Variants in PCGF5 observed in about 807,000 individuals in gnomAD.
PCGF5 encodes the protein polycomb group ring finger 5, also known as polycomb group RING finger protein 5.
Under a neutral mutation model 44.3 loss-of-function variants are expected in PCGF5, and 9 were observed. The observed-to-expected ratio is 0.20, with a 90% CI of 0.12 to 0.35. PCGF5 has a LOEUF of 0.35. PCGF5 is among the 10% of genes least tolerant of loss of function. PCGF5 has a pLI of 1.00. For synonymous variants in PCGF5, 95 were observed against 102.5 expected (o/e 0.93, Z 0.44); for missense variants, 146 against 305.3 (o/e 0.48, Z 3.89).
At chr10:91,249,371 G>GTA (rs3074316) in intron 5 of PCGF5, among the ~76,000 whole-genome samples, 13 of 120,530 alleles carry the variant, frequency 1.1e-4, no homozygotes, top group South Asian at 2.8e-4. Context: ...GGCTTTTAGT[G>GTA]TATATATATA....
chr10:91,226,314 A>G (rs918820681), intron 2 of PCGF5, among the ~76,000 whole-genome samples: 6 of 150,552 alleles, frequency 4.0e-5, no homozygotes, highest in African/African-American at 1.5e-4. Context: ...AAAAAAAAAA[A>G]TGCTGTTAAG....
intron 6 of PCGF5, among the ~76,000 whole-genome samples, chr10:91,255,031 G>C (rs1447622838): frequency 2.0e-5 from 3 of 152,062 alleles, no homozygotes; most frequent in African/African-American, 7.2e-5. Context: ...AAAGAACAGA[G>C]GTAGAGCTTT....
intron 2 of PCGF5, among the ~76,000 whole-genome samples, chr10:91,238,193 A>C (rs1845219318): frequency 6.6e-6 from 1 of 152,236 alleles, no homozygotes; most frequent in Non-Finnish European, 1.5e-5. Flanking sequence ...CTTAGTAGCC[A>C]CATGTGGCTA....
Position 91,279,638 on chromosome 10 carries a change from G to A in PCGF5, c.*1322G>A, listed in dbSNP as rs1002662933. On this transcript the variant is annotated 3_prime_UTR_variant, in exon 10 of 10. Coordinates refer to ENST00000336126, the MANE Select transcript of PCGF5 (RefSeq NM_032373.5). ...CATTTTAAATCTTTTAATATTTACA[G>A]TTTTCAAAAACCTTACTTGGAAATT... 6.6e-6 allele frequency: 1 copy of A among 152,048 alleles called. No homozygotes were observed. Among genetic ancestry groups the A allele is most frequent in the African/African-American group, 2.4e-5 (1 of 41,420 alleles). 9.4% of individuals were successfully genotyped at this position (152,048 alleles called of 1,614,324 possible). A position where few individuals can be genotyped will look rare whatever the true frequency, so the allele number is the denominator to read the frequency against.
intron 2 of PCGF5, chr10:91,227,544 A>AAATCTG: frequency 8.3e-7 from 1 of 1,208,428 alleles, no homozygotes; most frequent in Non-Finnish European, 1.1e-6. Context: ...CTTTAGTTTC[A>AAATCTG]TCCCTCTGTT....
intron 1 of PCGF5, among the ~76,000 whole-genome samples, chr10:91,211,513 G>A (rs148144689): frequency 7.8e-4 from 118 of 152,228 alleles, no homozygotes; most frequent in African/African-American, 2.8e-3. Flanking sequence ...ATTTACTATC[G>A]GACCTGATCT....
Position 91,283,274 on chromosome 10 carries a change from A to G in PCGF5, c.*4958A>G, listed in dbSNP as rs1226187163. 1 of 152,240 alleles carries G rather than the reference A, an allele frequency of 6.6e-6. No homozygotes were observed. The highest frequency in any genetic ancestry group is 1.5e-5 in the Non-Finnish European group (1 of 68,046). The allele number at this position is 152,240 out of a possible 1,614,324, so 9.4% of individuals were successfully genotyped here. A position where few individuals can be genotyped will look rare whatever the true frequency, so the allele number is the denominator to read the frequency against. On this transcript the variant is annotated 3_prime_UTR_variant, in exon 10 of 10. Coordinates refer to ENST00000336126, the MANE Select transcript of PCGF5 (RefSeq NM_032373.5). ...GAGCACTTCCTTTCAGAAAGTTATAAAATTAAAAATAATTATTTTAAATGC... is the reference window on the plus strand; with the variant it reads ...GAGCACTTCCTTTCAGAAAGTTATAGAATTAAAAATAATTATTTTAAATGC...
intron 1 of PCGF5, among the ~76,000 whole-genome samples, chr10:91,166,471 G>T (rs1843502335): frequency 6.6e-6 from 1 of 152,164 alleles, no homozygotes; most frequent in Non-Finnish European, 1.5e-5. Context: ...ATTAGATATT[G>T]GCAGTAAATA....
At chr10:91,215,710 C>T (rs1376263017), upstream of PCGF5, among the ~76,000 whole-genome samples, 1 of 152,214 alleles carries the variant, frequency 6.6e-6, no homozygotes, top group Non-Finnish European at 1.5e-5. Flanking sequence ...CATTCATATG[C>T]CATTACCATT....
intron 3 of PCGF5, among the ~76,000 whole-genome samples, chr10:91,247,694 T>G (rs1845502880): frequency 6.6e-6 from 1 of 152,028 alleles, no homozygotes; most frequent in Non-Finnish European, 1.5e-5. Context: ...AAGATAAACA[T>G]TTAAAGTTTT....
intron 1 of PCGF5, among the ~76,000 whole-genome samples, chr10:91,173,658 G>T (rs181154603): frequency 2.1e-5 from 3 of 141,938 alleles, no homozygotes; most frequent in Non-Finnish European, 4.5e-5. Context: ...CAAAATATGC[G>T]CTTTTTTCAA....
chr10:91,257,998 A>G (rs149159049), intron 6 of PCGF5, among the ~76,000 whole-genome samples: 1 of 152,276 alleles, frequency 6.6e-6, no homozygotes, highest in East Asian at 1.9e-4. Context: ...TACATGCTAC[A>G]AAATAGATGA....
chr10:91,163,147 G>C (rs1843420958), intron 1 of PCGF5: 1 of 149,972 alleles, frequency 6.7e-6, no homozygotes, highest in African/African-American at 2.4e-5. Context: ...AGTTTCTGGC[G>C]TGGCTGTTTT....
intron 1 of PCGF5, among the ~76,000 whole-genome samples, chr10:91,206,237 C>T (rs946431643): frequency 1.3e-5 from 2 of 151,958 alleles, no homozygotes; most frequent in South Asian, 2.1e-4. Context: ...CAGCAGAACT[C>T]GGAGAAAAAG....
upstream of PCGF5, among the ~76,000 whole-genome samples, chr10:91,162,161 G>A (rs1160888980): frequency 6.6e-6 from 1 of 152,018 alleles, no homozygotes; most frequent in Non-Finnish European, 1.5e-5. Context: ...GCTTTGGGGT[G>A]AGGGTAGGGA....
chr10:91,158,766 C>A (rs1443817790), upstream of PCGF5, among the ~76,000 whole-genome samples: 2 of 152,156 alleles, frequency 1.3e-5, no homozygotes, highest in Non-Finnish European at 2.9e-5. Context: ...CCCTAAGGAA[C>A]TACTAAAATT....
At chr10:91,160,117 A>T (rs1843360202), upstream of PCGF5, among the ~76,000 whole-genome samples, 1 of 152,094 alleles carries the variant, frequency 6.6e-6, no homozygotes, top group South Asian at 2.1e-4. Context: ...TAAACCACAT[A>T]ATTTACTCTT....
the PCGF5 span, among the ~76,000 whole-genome samples, chr10:91,156,593 T>C: frequency 2.6e-5 from 4 of 152,204 alleles, no homozygotes; most frequent in South Asian, 8.3e-4. Context: ...CCTGTCACTA[T>C]GAACTATGCC....
intron 1 of PCGF5, among the ~76,000 whole-genome samples, chr10:91,172,694 C>T (rs1046333031): frequency 3.3e-5 from 5 of 152,160 alleles, no homozygotes; most frequent in African/African-American, 1.2e-4. Flanking sequence ...TTTGTGTTTG[C>T]CCCCAAGTTA....
Sources: allele counts gnomAD v4.1 joint callset (sites outside exome capture counted in the v4.1 genomes callset), GRCh38; gene constraint gnomAD v4.1.1; transcripts MANE v1.5; gene names NCBI Gene and HGNC (gene_info 2026-07-23, HGNC 2026-07-21).